The following TLN2 variants were observed in gnomAD, a reference collection of about 807,000 sequenced individuals.
TLN2 encodes talin-2.
A neutral mutation model predicts 294.7 loss-of-function variants in TLN2; 118 were observed. The ratio of observed to expected loss-of-function variants is 0.40; its 90% CI spans 0.34 to 0.47. The LOEUF (loss-of-function observed/expected upper bound fraction) is 0.47. Among genes scored for constraint, TLN2 ranks in the 20% least tolerant of loss-of-function variants. The pLI is 0.84. For missense variants in TLN2, 3,083 were observed against 3,282.2 expected (o/e 0.94, Z 1.48); for synonymous variants, 1,431 against 1,304.5 (o/e 1.10, Z -2.09).
chr15:62,697,749 C>T lies in TLN2; in HGVS notation c.1354C>T (p.Leu452=). The T allele has an allele frequency of 1.9e-6, 3 of 1,612,154 alleles. No individual in the cohort carries two copies. Among genetic ancestry groups the T allele is most frequent in the Non-Finnish European group, 2.5e-6 (3 of 1,178,796 alleles). The part of the protein sequence containing the change: ...TGKAEHGSVA[L]PAVMRSGSSG... Reference sequence around the variant, plus strand: ...GAAGGCAGAGCACGGCTCAGTGGCGCTGCCGGCCGTGATGCGCTCGGGCTC... The same window carrying T: ...GAAGGCAGAGCACGGCTCAGTGGCGTTGCCGGCCGTGATGCGCTCGGGCTC... Residue 452 remains leucine, a synonymous_variant, in exon 15 of 59, where the codon CTG becomes TTG. Coordinates refer to ENST00000636159, the MANE Select transcript of TLN2 (RefSeq NM_015059.3).
At chr15:62,443,297 G>A (rs2035645894) in intron 1 of TLN2, among the ~76,000 whole-genome samples, 1 of 152,194 alleles carries the variant, frequency 6.6e-6, no homozygotes. Context: ...TCTGATAGCA[G>A]TGTTTGGTTT....
intron 1 of TLN2, among the ~76,000 whole-genome samples, chr15:62,513,300 C>A (rs542416014): frequency 6.6e-6 from 1 of 152,254 alleles, no homozygotes; most frequent in South Asian, 2.1e-4. Context: ...TGTTGAGGGC[C>A]ACCTTGTTTC....
rs914646153 is a variant in TLN2, at chr15:62,619,915, C to T, written c.-37+1440C>T. Among the ~76,000 whole-genome samples the T allele has an allele frequency of 2.6e-5, 4 of 152,132 alleles. No homozygotes were observed. The South Asian group carries it at 8.3e-4, about 32-fold the overall frequency. ...TAATGTAACAACCAGCCCAAAATGGCAGAGATTGAAGGTCTATCTCCCATT... is the reference window on the plus strand; with the variant it reads ...TAATGTAACAACCAGCCCAAAATGGTAGAGATTGAAGGTCTATCTCCCATT... On this transcript the variant is annotated intron_variant, in intron 3 of 58. Transcript: ENST00000636159.
At chr15:62,431,304 C>T (rs1040972953) in intron 1 of TLN2, among the ~76,000 whole-genome samples, 1 of 152,006 alleles carries the variant, frequency 6.6e-6, no homozygotes, top group Non-Finnish European at 1.5e-5. Context: ...TAAAAAAAGA[C>T]CTAGTTCAAT....
intron 10 of TLN2, 133 bp downstream of exon 10, chr15:62,674,023 A>G: frequency 1.7e-6 from 1 of 592,084 alleles, no homozygotes; most frequent in Non-Finnish European, 2.9e-6. Context: ...TAGTGACTCA[A>G]GAGTATAGAA....
intron 1 of TLN2, among the ~76,000 whole-genome samples, chr15:62,549,796 A>C (rs2042197516): frequency 6.6e-6 from 1 of 152,164 alleles, no homozygotes; most frequent in Admixed American, 6.5e-5. Context: ...GCAGATGTTT[A>C]GGCAGAGGGA....
At chr15:62,693,346 A>G (rs556247325) in intron 13 of TLN2, among the ~76,000 whole-genome samples, 1 of 152,276 alleles carries the variant, frequency 6.6e-6, no homozygotes, top group African/African-American at 2.4e-5. Flanking sequence ...AAAAACAACA[A>G]AACTTGATTT....
intron 1 of TLN2, among the ~76,000 whole-genome samples, chr15:62,574,353 A>T (rs1168334596): frequency 6.6e-6 from 1 of 151,734 alleles, no homozygotes; most frequent in Non-Finnish European, 1.5e-5. Context: ...AGGTGAGAGG[A>T]TCACATGTGG....
intron 1 of TLN2, among the ~76,000 whole-genome samples, chr15:62,537,084 T>G (rs2041397229): frequency 6.6e-6 from 1 of 151,932 alleles, no homozygotes; most frequent in Middle Eastern, 3.4e-3. Flanking sequence ...AGTGGCTTGA[T>G]CTCAGCTCAC....
chr15:62,822,401 A>G (rs1285299918), intron 54 of TLN2, among the ~76,000 whole-genome samples: 1 of 152,254 alleles, frequency 6.6e-6, no homozygotes, highest in Non-Finnish European at 1.5e-5. Flanking sequence ...CCCTGAAGAA[A>G]GAAAACCAGG....
At chr15:62,439,893 C>A (rs2035466164) in intron 1 of TLN2, among the ~76,000 whole-genome samples, 1 of 152,140 alleles carries the variant, frequency 6.6e-6, no homozygotes, top group African/African-American at 2.4e-5. Flanking sequence ...TTCTGTATTT[C>A]AGCTGTCTCT....
In TLN2 at chr15:62,525,243, C is replaced by G. The variant is rs144799190; in HGVS notation, c.-237-64444C>G. 1.3e-3 allele frequency among the ~76,000 whole-genome samples: 193 copies of G among 152,286 alleles called. 1 individual carries two copies. The highest frequency in any genetic ancestry group is 4.3e-3 in the African/African-American group (178 of 41,556). On this transcript the variant is annotated intron_variant, in intron 1 of 58. Coordinates refer to ENST00000636159, the MANE Select transcript of TLN2 (RefSeq NM_015059.3). The stretch of plus-strand genomic sequence containing the variant: ...TTAAAGTTGATTTGCTAAGGCCATC[C>G]ACGTGTCCTCAGGCAAGCTGTCATT...
Position 62,738,314 on chromosome 15 carries a change from A to G in TLN2, c.3668A>G (p.Lys1223Arg). The G allele has an allele frequency of 1.2e-6, 2 of 1,614,052 alleles. No homozygotes were observed. The highest frequency in any genetic ancestry group is 1.7e-6 in the Non-Finnish European group (2 of 1,179,974). ...TTGAAGAGCATCGGGGAGTCCAGCA[A>G]GAAGCTGCTTGTGGATTCGGTGAGA... ...VALKSIGESSKKLLVDSLPPS... is the reference protein window; with the variant it reads ...VALKSIGESSRKLLVDSLPPS... The change falls in exon 30 of 59, where the codon AAG becomes AGG. Residue 1223 changes from lysine to arginine, a missense_variant. Coordinates refer to ENST00000636159, the MANE Select transcript of TLN2 (RefSeq NM_015059.3).
chr15:62,450,184 C>T (rs1297283884), intron 1 of TLN2, among the ~76,000 whole-genome samples: 2 of 152,124 alleles, frequency 1.3e-5, no homozygotes, highest in Non-Finnish European at 2.9e-5. Context: ...GTGGCTTTTA[C>T]TCATACTCCT....
At chr15:62,529,868 T>C (rs2040948144) in intron 1 of TLN2, among the ~76,000 whole-genome samples, 1 of 152,224 alleles carries the variant, frequency 6.6e-6, no homozygotes, top group Non-Finnish European at 1.5e-5. Context: ...CAGTTCCCTG[T>C]TGATGGACAT....
chr15:62,426,700 G>T (rs571504856), intron 1 of TLN2, among the ~76,000 whole-genome samples: 1 of 152,156 alleles, frequency 6.6e-6, no homozygotes, highest in Admixed American at 6.5e-5. Context: ...TTTCTAGTTG[G>T]TCCAAAGCTT....
At chr15:62,411,151 G>A (rs193298924) in intron 1 of TLN2, among the ~76,000 whole-genome samples, 25 of 152,176 alleles carry the variant, frequency 1.6e-4, no homozygotes, top group Admixed American at 1.2e-3. Context: ...TGTGTGGACC[G>A]AGGCATTAAA....
At position 62,796,241 on chromosome 15, in the gene TLN2, G is replaced by T; in HGVS notation, c.5998G>T (p.Ala2000Ser). ...CGACCTGGACACCACCATTATGTTTGCAACAGCGGGGACGCTGAATGCAGA... is the reference window on the plus strand; with the variant it reads ...CGACCTGGACACCACCATTATGTTTTCAACAGCGGGGACGCTGAATGCAGA... ...IADLDTTIMF[A>S]TAGTLNAENS... The change falls in exon 47 of 59, where the codon GCA becomes TCA. Residue 2000 changes from alanine to serine, a missense_variant. By Grantham distance (99) the Ala-to-Ser change is moderately conservative. Coordinates refer to ENST00000636159, the MANE Select transcript of TLN2 (RefSeq NM_015059.3). 1.2e-6 allele frequency: 2 copies of T among 1,614,236 alleles called. No homozygotes were observed. Among genetic ancestry groups the T allele is most frequent in the Non-Finnish European group, 1.7e-6 (2 of 1,180,054 alleles).
chr15:62,429,555 G>A (rs760156505), intron 1 of TLN2, among the ~76,000 whole-genome samples: 1 of 152,048 alleles, frequency 6.6e-6, no homozygotes, highest in African/African-American at 2.4e-5. Flanking sequence ...CACTCTGGCC[G>A]ATGTATTTAA....
Sources: gnomAD v4.1 joint callset for allele counts (sites outside exome capture counted in the v4.1 genomes callset) on GRCh38, gnomAD v4.1.1 for gene constraint, MANE v1.5 for transcripts, NCBI Gene and HGNC (gene_info 2026-07-23, HGNC 2026-07-21) for gene names.